ASIC2: variants seen among roughly 807,000 people sequenced by gnomAD.
ASIC2 encodes the protein acid-sensing ion channel 2.
ASIC2 carries 25 observed loss-of-function variants against 57.3 expected under a neutral mutation model. That is an observed-to-expected ratio of 0.44 (90% CI 0.32 to 0.61). ASIC2 has a LOEUF of 0.61. Ranked by LOEUF, ASIC2 falls within the 20% of genes least tolerant of loss-of-function variation. The probability of loss-of-function intolerance (pLI) is 0.06; values close to 1 mark genes in which losing one functional copy is unlikely to be tolerated. For synonymous variants in ASIC2, 319 were observed against 307.5 expected, an observed-to-expected ratio of 1.04 and a Z score of -0.39; for missense variants, 641 against 738.1, an observed-to-expected ratio of 0.87 and a Z score of 1.52.
At chr17:33,679,478 C>A (rs1437616908) in intron 1 of ASIC2, among the ~76,000 whole-genome samples, 3 of 152,174 alleles carry the variant, frequency 2.0e-5, no homozygotes, top group Non-Finnish European at 4.4e-5. Context: ...TGGGGGCCTA[C>A]CTTGTACTGG....
chr17:33,641,607 CA>C (rs1484302780), intron 1 of ASIC2, among the ~76,000 whole-genome samples: 34 of 152,236 alleles, frequency 2.2e-4, no homozygotes, highest in African/African-American at 8.0e-4. Flanking sequence ...TGCAGTGGTG[CA>C]GAGTGTGCCT....
In ASIC2 at chr17:34,030,817, C is replaced by T. The variant is rs923074316; in HGVS notation, c.555+125161G>A. Reference sequence around the variant, plus strand: ...GCAGAGAGGCTGGGGGAGGGGCACCCGCAATTGCCCAGTTAGTTGTTTGAT... The same window carrying T: ...GCAGAGAGGCTGGGGGAGGGGCACCTGCAATTGCCCAGTTAGTTGTTTGAT... On this transcript the variant is annotated intron_variant, in intron 1 of 9. Transcript: ENST00000359872. 1.1e-4 allele frequency among the ~76,000 whole-genome samples: 17 copies of T among 152,282 alleles called. 1 individual carries two copies. In the Middle Eastern group the frequency reaches 0.01, roughly 91 times the overall value.
Position 33,047,459 on chromosome 17 carries a change from C to A in ASIC2, c.988-19067G>T, listed in dbSNP as rs913655162. The stretch of plus-strand genomic sequence containing the variant: ...GCTCAAGCAACCCTCCCACCTCAGC[C>A]TCTGAGGTAGCTAGGACTACAGGCA... On this transcript the variant is annotated intron_variant, in intron 3 of 9. Coordinates refer to ENST00000225823, the MANE Select transcript of ASIC2 (RefSeq NM_183377.2). 5.3e-5 allele frequency among the ~76,000 whole-genome samples: 8 copies of A among 152,238 alleles called. No homozygotes were observed. The East Asian group carries it at 1.5e-3, about 29-fold the overall frequency.
At chr17:34,024,393 A>T (rs143368191) in intron 1 of ASIC2, among the ~76,000 whole-genome samples, 253 of 152,344 alleles carry the variant, frequency 1.7e-3, no homozygotes, top group African/African-American at 5.8e-3. Context: ...GTTACAAGGA[A>T]CCTGTTTTTC....
intron 1 of ASIC2, among the ~76,000 whole-genome samples, chr17:33,246,198 C>A (rs1488364143): frequency 6.6e-6 from 1 of 151,078 alleles, no homozygotes; most frequent in East Asian, 1.9e-4. Flanking sequence ...GTGGAGTTGG[C>A]CTAATTGGCT....
intron 1 of ASIC2, among the ~76,000 whole-genome samples, chr17:33,227,189 G>A (rs1292383235): frequency 6.6e-6 from 1 of 152,222 alleles, no homozygotes; most frequent in Non-Finnish European, 1.5e-5. Context: ...AGTGGGGCAG[G>A]CCTGGGCTTA....
chr17:33,311,318 C>T (rs1906406258), intron 1 of ASIC2, among the ~76,000 whole-genome samples: 1 of 152,082 alleles, frequency 6.6e-6, no homozygotes, highest in African/African-American at 2.4e-5. Context: ...TCAGGTCTAC[C>T]TGACTCCAAA....
intron 1 of ASIC2, among the ~76,000 whole-genome samples, chr17:33,380,245 C>CAAAAAAAAAAAAAAAAAAAAAAAAAAAA (rs10586872): frequency 9.9e-5 from 7 of 71,058 alleles, no homozygotes; most frequent in Admixed American, 2.0e-4. Flanking sequence ...AACCCTGTCT[C>CAAAAAAAAAAAAAAAAAAAAAAAAAAAA]AAAAAAAAAA....
chr17:33,696,632 T>C (rs1193085042), intron 1 of ASIC2, among the ~76,000 whole-genome samples: 1 of 152,166 alleles, frequency 6.6e-6, no homozygotes, highest in Non-Finnish European at 1.5e-5. Context: ...TCTTGAACAA[T>C]GCAGAGTTGG....
chr17:33,722,006 C>T (rs1288039862), intron 1 of ASIC2, among the ~76,000 whole-genome samples: 2 of 152,214 alleles, frequency 1.3e-5, no homozygotes, highest in African/African-American at 4.8e-5. Flanking sequence ...TAACAAAGAA[C>T]TCATATTCAG....
At chr17:33,626,131 C>T (rs8065045) in intron 1 of ASIC2, among the ~76,000 whole-genome samples, 80,019 of 152,024 alleles carry the variant, frequency 0.53, 21,652 homozygotes, top group African/African-American at 0.64. Flanking sequence ...TGCAGTGGGG[C>T]ACTGGATGGT....
At chr17:33,593,222 G>A (rs1904877453) in intron 1 of ASIC2, among the ~76,000 whole-genome samples, 2 of 152,210 alleles carry the variant, frequency 1.3e-5, no homozygotes, top group South Asian at 2.1e-4. Context: ...TGCAGGCACA[G>A]CTGTGATGTC....
chr17:33,743,860 CT>C (rs1910180485), intron 1 of ASIC2, among the ~76,000 whole-genome samples: 1 of 152,214 alleles, frequency 6.6e-6, no homozygotes, highest in African/African-American at 2.4e-5. Flanking sequence ...TCCCTTCCCC[CT>C]GTCTCTGCCT....
In ASIC2 at chr17:33,165,516, G is replaced by A. The variant is rs543403120; in HGVS notation, c.709-53449C>T. On this transcript the variant is annotated intron_variant, in intron 1 of 9. Coordinates refer to ENST00000225823, the MANE Select transcript of ASIC2 (RefSeq NM_183377.2). ...GTATGCATATATTTGTGAATATACA[G>A]GCTGTAGTTGTTTCAAAGATTTGTT... 7.2e-5 allele frequency among the ~76,000 whole-genome samples: 11 copies of A among 152,152 alleles called. 2 individuals carry two copies. The South Asian group carries it at 1.0e-3, about 14-fold the overall frequency.
At chr17:33,072,698 A>T (rs1267843103) in intron 3 of ASIC2, among the ~76,000 whole-genome samples, 1 of 152,172 alleles carries the variant, frequency 6.6e-6, no homozygotes, top group African/African-American at 2.4e-5. Flanking sequence ...TGATCTGCTC[A>T]TGGCTACCTA....
chr17:33,746,376 G>A (rs1910265018), intron 1 of ASIC2, among the ~76,000 whole-genome samples: 1 of 139,514 alleles, frequency 7.2e-6, no homozygotes, highest in South Asian at 2.3e-4. Flanking sequence ...AGATATACAT[G>A]TATATCTACA....
chr17:34,091,739 T>C (rs576265502), intron 1 of ASIC2, among the ~76,000 whole-genome samples: 3 of 152,236 alleles, frequency 2.0e-5, no homozygotes, highest in African/African-American at 7.2e-5. Context: ...AAAGTGAAAA[T>C]GAGTTGAAGC....
chr17:33,700,268 G>A (rs1908655665), intron 1 of ASIC2, among the ~76,000 whole-genome samples: 1 of 151,962 alleles, frequency 6.6e-6, no homozygotes, highest in South Asian at 2.1e-4. Context: ...TCTGGACTCT[G>A]GGGAGGTGAA....
At chr17:33,096,269 G>A (rs1320062405) in intron 2 of ASIC2, among the ~76,000 whole-genome samples, 3 of 152,234 alleles carry the variant, frequency 2.0e-5, no homozygotes, top group Non-Finnish European at 4.4e-5. Flanking sequence ...CAGAGCTGGA[G>A]CCTCACAGCA....
Sources: allele counts gnomAD v4.1 joint callset (sites outside exome capture counted in the v4.1 genomes callset), GRCh38; gene constraint gnomAD v4.1.1; transcripts MANE v1.5; gene names NCBI Gene and HGNC (gene_info 2026-07-23, HGNC 2026-07-21).